Variants in CSMD2 observed in about 807,000 individuals in gnomAD.
The protein encoded by CSMD2 is CUB and Sushi multiple domains 2, also known as CUB and sushi domain-containing protein 2.
Under a neutral mutation model 398.5 loss-of-function variants are expected in CSMD2, and 130 were observed. The ratio of observed to expected loss-of-function variants is 0.33; its 90% CI spans 0.28 to 0.38. The LOEUF (loss-of-function observed/expected upper bound fraction) is 0.38, where lower values mean the gene tolerates loss of function less well. CSMD2 is among the 10% of genes least tolerant of loss of function. The probability of loss-of-function intolerance (pLI) is 1.00; values close to 1 mark genes in which losing one functional copy is unlikely to be tolerated. For missense variants in CSMD2, 3,829 were observed against 4,764.9 expected (o/e 0.80, Z 5.78); for synonymous variants, 1,828 against 1,908.5 (o/e 0.96, Z 1.10).
chr1:33,533,122 G>A lies in CSMD2; in HGVS notation c.10099C>T (p.Leu3367Phe). ...LIYSCQEGFS[L>F]KGGSEHRTCK... ...GTGCGGTGCTCGGAGCCACCCTTGA[G>A]GGAGAAGCCCTCCTGGCAGGAGTAG... The change falls in exon 64 of 71, where the codon CTC becomes TTC. Residue 3367 changes from leucine (L) to phenylalanine (F), a missense_variant. Physicochemically the swap from Leu to Phe is conservative, Grantham distance 22. Around this residue, in one of 5 missense-constraint regions of CSMD2, gnomAD observed 917 missense variants for 1,199.5 expected, o/e 0.76. Coordinates refer to ENST00000373381, the MANE Select transcript of CSMD2 (RefSeq NM_001281956.2). This position sits in a 1 kb window ranked among gnomAD's most constrained non-coding sequence, Gnocchi z 4.2. 3.7e-6 allele frequency: 6 copies of A among 1,614,046 alleles called. No homozygotes were observed. The highest frequency in any genetic ancestry group is 5.1e-6 in the Non-Finnish European group (6 of 1,180,024).
intron 9 of CSMD2, among the ~76,000 whole-genome samples, chr1:33,816,533 C>CA (rs1382211136): frequency 6.6e-6 from 1 of 152,132 alleles, no homozygotes; most frequent in Non-Finnish European, 1.5e-5. Context: ...TAGGGTTCTG[C>CA]AAAAACTTAT....
At position 33,755,380 on chromosome 1, in the gene CSMD2, T is replaced by C. The variant is rs115180979; in HGVS notation, c.1847-11774A>G. On this transcript the variant is annotated intron_variant, in intron 13 of 70. Transcript: ENST00000373381. ...GTTAGTCCCAAAGACACTGTGTGAG[T>C]TTCTCAAGGTCACCTGCATCAGGGC... is the stretch of plus-strand genomic sequence containing the variant. 5.9e-3 allele frequency among the ~76,000 whole-genome samples: 894 copies of C among 152,162 alleles called. 8 individuals carry two copies. The highest frequency in any genetic ancestry group is 0.033 in the South Asian group (160 of 4,818).
intron 3 of CSMD2, among the ~76,000 whole-genome samples, chr1:33,954,605 G>A (rs1166266533): frequency 6.6e-6 from 1 of 152,124 alleles, no homozygotes; most frequent in Non-Finnish European, 1.5e-5. Flanking sequence ...ACATCCGAAC[G>A]ACGGAATGTT....
chr1:33,774,357 T>A (rs1314933540), intron 12 of CSMD2, among the ~76,000 whole-genome samples: 1 of 151,866 alleles, frequency 6.6e-6, no homozygotes, highest in African/African-American at 2.4e-5. Flanking sequence ...GGCTCAGGGA[T>A]GGGGGAGGGG....
At chr1:33,903,263 GA>G (rs1642870350) in intron 5 of CSMD2, among the ~76,000 whole-genome samples, 1 of 151,000 alleles carries the variant, frequency 6.6e-6, no homozygotes, top group Non-Finnish European at 1.5e-5. Flanking sequence ...AGCCAAAAAG[GA>G]AAAAACAAAC....
chr1:33,544,739 A>G (rs1057100822), intron 57 of CSMD2, among the ~76,000 whole-genome samples: 1 of 151,842 alleles, frequency 6.6e-6, no homozygotes, highest in African/African-American at 2.4e-5. Context: ...AATAAGTTCA[A>G]TGCTTGATAG....
chr1:33,925,046 T>C (rs1480525756), intron 4 of CSMD2, among the ~76,000 whole-genome samples: 1 of 152,210 alleles, frequency 6.6e-6, no homozygotes, highest in East Asian at 1.9e-4. Context: ...AGAAGCTTTT[T>C]AGTTTAATAT....
Position 33,709,207 on chromosome 1 carries a change from T to C in CSMD2, c.3458A>G (p.Asn1153Ser), listed in dbSNP as rs1342652995. ...ATTGTTATTGTAGTTCACAGGAAAGTTGGGGGACAGCAAAGTACCCTGAGT... is the reference window on the plus strand; with the variant it reads ...ATTGTTATTGTAGTTCACAGGAAAGCTGGGGGACAGCAAAGTACCCTGAGT... ...TGTQGTLLSP[N>S]FPVNYNNNHE... The change falls in exon 22 of 71, where the codon AAC becomes AGC. Residue 1153 changes from asparagine (N) to serine (S), a missense_variant. By Grantham distance (46) the Asn-to-Ser change is conservative (BLOSUM62 1). Coordinates refer to ENST00000373381, the MANE Select transcript of CSMD2 (RefSeq NM_001281956.2). 1.9e-6 allele frequency: 3 copies of C among 1,614,048 alleles called. No individual in the cohort carries two copies. Among genetic ancestry groups the C allele is most frequent in the Non-Finnish European group, 1.7e-6 (2 of 1,179,974 alleles).
chr1:33,671,100 G>A (rs1644481779), intron 25 of CSMD2, among the ~76,000 whole-genome samples: 1 of 152,178 alleles, frequency 6.6e-6, no homozygotes, highest in Admixed American at 6.5e-5. Context: ...GGAAGACAAA[G>A]CATGAAATGC....
chr1:33,795,666 G>T (rs10914780), intron 10 of CSMD2, among the ~76,000 whole-genome samples: 95,723 of 152,122 alleles, frequency 0.63, 30,696 homozygotes, highest in East Asian at 0.95. Flanking sequence ...AGCAGCCCCT[G>T]CTCAGCCCCT....
intron 1 of CSMD2, among the ~76,000 whole-genome samples, chr1:34,150,750 C>CA (rs1249737551): frequency 1.3e-5 from 2 of 151,588 alleles, no homozygotes; most frequent in Admixed American, 6.6e-5. Context: ...CCCATTTCTA[C>CA]AAAAAAGTTT....
intron 2 of CSMD2, among the ~76,000 whole-genome samples, chr1:34,072,736 G>A (rs908259958): frequency 1.3e-5 from 2 of 152,094 alleles, no homozygotes; most frequent in African/African-American, 4.8e-5. Flanking sequence ...TACTGTGAGT[G>A]GAGAGATTGC....
intron 25 of CSMD2, among the ~76,000 whole-genome samples, chr1:33,683,227 C>A (rs1185542169): frequency 1.3e-5 from 2 of 152,190 alleles, no homozygotes; most frequent in Non-Finnish European, 2.9e-5. Context: ...TCTCCTCCTG[C>A]ATTTCATCAT....
chr1:33,819,668 C>T (rs1189207588), intron 9 of CSMD2, 45 bp downstream of exon 9: 3 of 1,589,824 alleles, frequency 1.9e-6, no homozygotes, highest in Non-Finnish European at 1.7e-6. Flanking sequence ...CCTCCAGGCT[C>T]AGCCCAACTC....
At position 33,963,523 on chromosome 1, in the gene CSMD2, G is replaced by A. The variant is rs946061862; in HGVS notation, c.518-27569C>T. Among the ~76,000 whole-genome samples, 4 of 152,066 alleles carry A rather than the reference G, an allele frequency of 2.6e-5. 1 individual carries two copies. The highest frequency in any genetic ancestry group is 4.1e-4 in the South Asian group (2 of 4,824). On this transcript the variant is annotated intron_variant, in intron 3 of 70. Coordinates refer to ENST00000373381, the MANE Select transcript of CSMD2 (RefSeq NM_001281956.2). Reference sequence around the variant, plus strand: ...GATAATGAAGGTATCAATCATTCCCGAGATTTTCCTCTGGACCCACCCCAT... The same window carrying A: ...GATAATGAAGGTATCAATCATTCCCAAGATTTTCCTCTGGACCCACCCCAT...
intron 28 of CSMD2, among the ~76,000 whole-genome samples, chr1:33,651,874 T>C (rs1643772945): frequency 6.6e-6 from 1 of 151,974 alleles, no homozygotes; most frequent in African/African-American, 2.4e-5. Flanking sequence ...GCAGTTCTTT[T>C]GAAGAGCTTT....
At chr1:33,759,320 T>TTTC (rs1649483364) in intron 13 of CSMD2, among the ~76,000 whole-genome samples, 1 of 136,468 alleles carries the variant, frequency 7.3e-6, no homozygotes, top group African/African-American at 2.9e-5. Context: ...TTTTCTTTTT[T>TTTC]TTTCTTTTTT....
At chr1:33,694,756 T>C (rs1645360837) in intron 24 of CSMD2, among the ~76,000 whole-genome samples, 1 of 152,190 alleles carries the variant, frequency 6.6e-6, no homozygotes, top group South Asian at 2.1e-4. Context: ...ACAACTGAAT[T>C]GTACACTGGT....
intron 12 of CSMD2, among the ~76,000 whole-genome samples, chr1:33,779,030 T>C (rs1295717564): frequency 6.6e-6 from 1 of 152,136 alleles, no homozygotes; most frequent in Admixed American, 6.5e-5. Context: ...CAGCCTATGG[T>C]TCCCCTGGCT....
Sources: gnomAD v4.1 joint callset for allele counts (sites outside exome capture counted in the v4.1 genomes callset) on GRCh38, gnomAD v4.1.1 for gene constraint, gnomAD v4.1.1 regional missense constraint, Gnocchi (gnomAD v3.1) non-coding constraint, MANE v1.5 for transcripts, NCBI Gene and HGNC (gene_info 2026-07-23, HGNC 2026-07-21) for gene names.